Variants in ADGRL3 observed in about 807,000 individuals in gnomAD.
ADGRL3 encodes adhesion G protein-coupled receptor L3.
A neutral mutation model predicts 153.5 loss-of-function variants in ADGRL3; 62 were observed. That is an observed-to-expected ratio of 0.40 (90% CI 0.33 to 0.50). The LOEUF (loss-of-function observed/expected upper bound fraction) is 0.50. Ranked by LOEUF, ADGRL3 falls within the 20% of genes least tolerant of loss-of-function variation. ADGRL3 has a pLI of 0.47. For synonymous variants in ADGRL3, 710 were observed against 672.5 expected, an observed-to-expected ratio of 1.06 and a Z score of -0.86; for missense variants, 1,641 against 1,859.4, an observed-to-expected ratio of 0.88 and a Z score of 2.16.
At chr4:61,286,051 TTCTC>T (rs1032944785) in intron 1 of ADGRL3, among the ~76,000 whole-genome samples, 12 of 151,658 alleles carry the variant, frequency 7.9e-5, no homozygotes, top group African/African-American at 2.9e-4. Context: ...AAGTGTTTCA[TTCTC>T]TCAGAATCAT....
chr4:61,578,444 C>G (rs2098904569), intron 4 of ADGRL3, among the ~76,000 whole-genome samples: 1 of 152,060 alleles, frequency 6.6e-6, no homozygotes, highest in Non-Finnish European at 1.5e-5. Context: ...TACCCACACT[C>G]TCTTTCCTTT....
chr4:62,067,449 G>A (rs1319535845), intron 25 of ADGRL3, among the ~76,000 whole-genome samples: 1 of 151,960 alleles, frequency 6.6e-6, no homozygotes. Context: ...ACCTAATATT[G>A]TTGGTTGCGT....
rs756712745 is a variant in ADGRL3 at position 61,983,571 on chromosome 4, A to C, written c.3204A>C (p.Ala1068=). The C allele has an allele frequency of 5.6e-6, 9 of 1,613,836 alleles. No homozygotes were observed. The stretch of plus-strand genomic sequence containing the variant: ...CACTCATTGTGGCTGTGTCAGCTGC[A>C]GTAGACTACAGGAGTTATGGAACAG... ...MPALIVAVSA[A]VDYRSYGTDK... Residue 1068 remains alanine (A), a synonymous_variant, in exon 19 of 27, where the codon GCA becomes GCC. Coordinates refer to ENST00000683033, the MANE Select transcript of ADGRL3 (RefSeq NM_001387552.1).
intron 1 of ADGRL3, among the ~76,000 whole-genome samples, chr4:61,291,210 A>ACACATG (rs1560433571): frequency 1.2e-3 from 157 of 133,538 alleles, no homozygotes; most frequent in African/African-American, 3.7e-3. Context: ...ACACACACAC[A>ACACATG]CACACACGCA....
At chr4:61,484,092 C>T (rs535621228) in intron 2 of ADGRL3, among the ~76,000 whole-genome samples, 4 of 151,948 alleles carry the variant, frequency 2.6e-5, no homozygotes, top group East Asian at 3.9e-4. Flanking sequence ...CCCTCATCCC[C>T]GATTTTTTTT....
intron 3 of ADGRL3, among the ~76,000 whole-genome samples, chr4:61,514,749 C>T (rs1437053847): frequency 6.6e-6 from 1 of 152,100 alleles, no homozygotes; most frequent in Non-Finnish European, 1.5e-5. Flanking sequence ...ATTTTGTATT[C>T]TTTAGTCTTA....
intron 5 of ADGRL3, among the ~76,000 whole-genome samples, chr4:61,629,908 C>G (rs2093057602): frequency 6.6e-6 from 1 of 152,012 alleles, no homozygotes; most frequent in African/African-American, 2.4e-5. Context: ...TCTGTCTAAA[C>G]ATTCTGGATT....
In ADGRL3 at chr4:61,685,036, C is replaced by T. The variant is rs1199571951; in HGVS notation, c.583+8101C>T. Among the ~76,000 whole-genome samples, 40 of 151,946 alleles carry T rather than the reference C, an allele frequency of 2.6e-4. 2 individuals are homozygous for T. Among genetic ancestry groups the T allele is most frequent in the East Asian group, 1.9e-4 (1 of 5,144 alleles). ...CAAGTAATTCTCCCCCTCAGCCTCCCTCCCAAGTAGCTGGGACTACAGGCG... is the reference window on the plus strand; with the variant it reads ...CAAGTAATTCTCCCCCTCAGCCTCCTTCCCAAGTAGCTGGGACTACAGGCG... On this transcript the variant is annotated intron_variant, in intron 6 of 26. Transcript: ENST00000683033.
chr4:61,818,323 C>T (rs2097711612), intron 9 of ADGRL3, among the ~76,000 whole-genome samples: 2 of 152,172 alleles, frequency 1.3e-5, no homozygotes, highest in South Asian at 4.1e-4. Context: ...GTCTCACATC[C>T]AGGTTACACT....
intron 18 of ADGRL3, 62 bp from the exon 19 acceptor site, chr4:61,983,321 T>C (rs2099074914): frequency 2.4e-6 from 3 of 1,274,596 alleles, no homozygotes; most frequent in Non-Finnish European, 3.4e-6. Flanking sequence ...TTTGGTTTTA[T>C]GGCAGTTGAC....
intron 24 of ADGRL3, among the ~76,000 whole-genome samples, chr4:62,040,978 A>G (rs1727951189): frequency 6.6e-6 from 1 of 152,094 alleles, no homozygotes; most frequent in Non-Finnish European, 1.5e-5. Flanking sequence ...GAACTTACAA[A>G]AAATATTGGC....
intron 1 of ADGRL3, among the ~76,000 whole-genome samples, chr4:61,301,401 T>A (rs2094577477): frequency 1.3e-5 from 2 of 152,194 alleles, no homozygotes; most frequent in African/African-American, 4.8e-5. Flanking sequence ...TGTGAACACT[T>A]TTTAAAAGCT....
chr4:61,424,794 G>A (rs1196832318), intron 2 of ADGRL3, among the ~76,000 whole-genome samples: 2 of 152,104 alleles, frequency 1.3e-5, no homozygotes, highest in Non-Finnish European at 2.9e-5. Flanking sequence ...GCTCTGCAAG[G>A]GCTGTAACCT....
Position 61,374,893 on chromosome 4 carries a change from G to A in ADGRL3, c.-239-8231G>A, listed in dbSNP as rs186206196. 3.9e-5 allele frequency among the ~76,000 whole-genome samples: 6 copies of A among 151,922 alleles called. No individual in the cohort carries two copies. In the East Asian group the frequency reaches 9.7e-4, roughly 25 times the overall value. On this transcript the variant is annotated intron_variant, in intron 1 of 26. Transcript: ENST00000683033. ...ATTGATTTTTTTTTAATGACCAGAG[G>A]AATGAGGATTTTTGGAAAAAGCTTA...
intron 10 of ADGRL3, 146 bp from the exon 11 acceptor site, chr4:61,895,585 A>G: frequency 2.0e-6 from 1 of 502,372 alleles, no homozygotes; most frequent in Non-Finnish European, 3.5e-6. Context: ...CTAGTGCTAA[A>G]TGCTTACTGG....
At chr4:61,603,195 T>A (rs2099018725) in intron 5 of ADGRL3, among the ~76,000 whole-genome samples, 2 of 152,140 alleles carry the variant, frequency 1.3e-5, no homozygotes, top group Admixed American at 1.3e-4. Flanking sequence ...ACATTAGTAA[T>A]TAACAGGAAT....
intron 9 of ADGRL3, among the ~76,000 whole-genome samples, chr4:61,819,806 C>T (rs2097730618): frequency 1.3e-5 from 2 of 152,018 alleles, no homozygotes; most frequent in Admixed American, 6.5e-5. Context: ...TTGATACTTA[C>T]TTTTTATAAT....
In ADGRL3 at chr4:61,830,998, C is replaced by T. The variant is rs2097861726; in HGVS notation, c.1480+17109C>T. 2.6e-5 allele frequency among the ~76,000 whole-genome samples: 4 copies of T among 152,088 alleles called. No individual in the cohort carries two copies. In the South Asian group the frequency reaches 6.2e-4, roughly 24 times the overall value. On this transcript the variant is annotated intron_variant, in intron 9 of 26. Transcript: ENST00000683033. ...CTGCCTCCTGGGTTCAAGCAATCCT[C>T]GTGCCTCAGCCACCCAAATAGCTGG...
chr4:61,676,973 G>T (rs182470778), intron 6 of ADGRL3, 38 bp downstream of exon 6: 47 of 1,288,790 alleles, frequency 3.6e-5, no homozygotes, highest in Middle Eastern at 3.7e-4. Context: ...CAAGAGAAAA[G>T]ATACTAAACT....
Sources: gnomAD v4.1 joint callset for allele counts (sites outside exome capture counted in the v4.1 genomes callset) on GRCh38, gnomAD v4.1.1 for gene constraint, MANE v1.5 for transcripts, NCBI Gene and HGNC (gene_info 2026-07-23, HGNC 2026-07-21) for gene names.